DNM3: variants seen among roughly 807,000 people sequenced by gnomAD.
DNM3 encodes dynamin-3.
Under a neutral mutation model 101.6 loss-of-function variants are expected in DNM3, and 47 were observed. That is an observed-to-expected ratio of 0.46 (90% CI 0.37 to 0.59). The LOEUF is 0.59. Ranked by LOEUF, DNM3 falls within the 20% of genes least tolerant of loss-of-function variation. The pLI is 0.00. For missense variants in DNM3, 849 were observed against 1,085.7 expected (o/e 0.78, Z 3.06); for synonymous variants, 385 against 387.9 (o/e 0.99, Z 0.09).
chr1:172,132,505 G>A (rs77044703), intron 14 of DNM3, among the ~76,000 whole-genome samples: 1 of 152,248 alleles, frequency 6.6e-6, no homozygotes, highest in South Asian at 2.1e-4. Context: ...CATTCTGTGG[G>A]AAGCTCTAGT....
chr1:172,161,937 G>A (rs773786414), intron 14 of DNM3, among the ~76,000 whole-genome samples: 43 of 152,022 alleles, frequency 2.8e-4, no homozygotes, highest in Non-Finnish European at 3.8e-4. Context: ...AGATTTATCC[G>A]TTGGGGTTGG....
intron 14 of DNM3, among the ~76,000 whole-genome samples, chr1:172,197,608 T>C (rs1320276085): frequency 1.3e-5 from 2 of 152,114 alleles, no homozygotes; most frequent in Middle Eastern, 3.2e-3. Flanking sequence ...GTAAACCTCA[T>C]TATAGATATC....
At chr1:172,405,162 G>A (rs1403038481) in intron 20 of DNM3, among the ~76,000 whole-genome samples, 1 of 152,028 alleles carries the variant, frequency 6.6e-6, no homozygotes, top group Non-Finnish European at 1.5e-5. Context: ...TAAATATCTT[G>A]TTTAGGCACT....
At chr1:172,204,606 C>G (rs2060265649) in intron 14 of DNM3, among the ~76,000 whole-genome samples, 1 of 152,118 alleles carries the variant, frequency 6.6e-6, no homozygotes, top group Non-Finnish European at 1.5e-5. Flanking sequence ...CTAATGGCCT[C>G]AGCAGCCACA....
chr1:171,966,579 C>T (rs2043603758), intron 2 of DNM3, among the ~76,000 whole-genome samples: 1 of 152,124 alleles, frequency 6.6e-6, no homozygotes, highest in Non-Finnish European at 1.5e-5. Flanking sequence ...GGGTATTCTC[C>T]CTTTGAAGTG....
chr1:172,340,395 G>A (rs2066632377), intron 17 of DNM3, among the ~76,000 whole-genome samples: 1 of 152,128 alleles, frequency 6.6e-6, no homozygotes, highest in African/African-American at 2.4e-5. Flanking sequence ...GCACTACTTG[G>A]TCCGCATAGC....
chr1:172,222,978 G>A (rs981109054), intron 14 of DNM3, among the ~76,000 whole-genome samples: 4 of 151,930 alleles, frequency 2.6e-5, no homozygotes, highest in African/African-American at 9.7e-5. Context: ...TATATACTAT[G>A]GGGTGTAATG....
At chr1:172,312,873 A>C (rs934924455) in intron 16 of DNM3, among the ~76,000 whole-genome samples, 6 of 152,170 alleles carry the variant, frequency 3.9e-5, no homozygotes, top group African/African-American at 1.4e-4. Flanking sequence ...TGGATTTTCT[A>C]ATTACTTTTA....
chr1:172,410,537 T>C lies in DNM3; in HGVS notation c.*2696T>C. ...CACATGCTAAATATTGCATGCATATTGACTAATTGGAATAACCATTTACTC... is the reference window on the plus strand; with the variant it reads ...CACATGCTAAATATTGCATGCATATCGACTAATTGGAATAACCATTTACTC... On this transcript the variant is annotated 3_prime_UTR_variant, in exon 21 of 21. Coordinates refer to ENST00000627582, the MANE Select transcript of DNM3 (RefSeq NM_015569.5). The C allele has an allele frequency of 1.0e-6, 1 of 983,842 alleles. No homozygotes were observed. The highest frequency in any genetic ancestry group is 1.2e-6 in the Non-Finnish European group (1 of 828,454). The allele number at this position is 983,842 out of a possible 1,614,324, so 60.9% of individuals were successfully genotyped here.
intron 4 of DNM3, among the ~76,000 whole-genome samples, chr1:172,032,021 A>G (rs1285863166): frequency 6.6e-6 from 1 of 152,124 alleles, no homozygotes; most frequent in Non-Finnish European, 1.5e-5. Context: ...TTATTTGTTT[A>G]TTTGCTTTTA....
At chr1:172,320,921 C>T (rs1480947036) in intron 16 of DNM3, among the ~76,000 whole-genome samples, 1 of 152,128 alleles carries the variant, frequency 6.6e-6, no homozygotes, top group African/African-American at 2.4e-5. Flanking sequence ...AAGTCTGACA[C>T]CTCAGAGTTT....
intron 1 of DNM3, among the ~76,000 whole-genome samples, chr1:171,912,132 C>T (rs2039359060): frequency 6.6e-6 from 1 of 152,134 alleles, no homozygotes; most frequent in Non-Finnish European, 1.5e-5. Flanking sequence ...GCTAACAGAA[C>T]TGAATGTTTA....
intron 15 of DNM3, among the ~76,000 whole-genome samples, chr1:172,276,916 C>T (rs1034897485): frequency 2.0e-5 from 3 of 151,922 alleles, no homozygotes; most frequent in African/African-American, 7.3e-5. Flanking sequence ...CATATTTAAG[C>T]TTTCAAATAG....
At chr1:171,874,340 G>T (rs762848318) in intron 1 of DNM3, among the ~76,000 whole-genome samples, 2 of 152,026 alleles carry the variant, frequency 1.3e-5, no homozygotes, top group African/African-American at 2.4e-5. Flanking sequence ...TTATTTCAAA[G>T]AATTGGGGAA....
chr1:172,105,098 G>A (rs560205098), intron 13 of DNM3, among the ~76,000 whole-genome samples: 1 of 152,140 alleles, frequency 6.6e-6, no homozygotes, highest in Admixed American at 6.5e-5. Context: ...TTATTCCAAA[G>A]GGGCTAATGT....
intron 10 of DNM3, among the ~76,000 whole-genome samples, chr1:172,066,091 TA>T (rs1461610275): frequency 2.0e-5 from 3 of 152,124 alleles, no homozygotes; most frequent in African/African-American, 7.2e-5. Context: ...TCTAACTCCT[TA>T]TGAGTTTGGA....
intron 14 of DNM3, among the ~76,000 whole-genome samples, chr1:172,174,156 C>A (rs2059069502): frequency 6.6e-6 from 1 of 151,536 alleles, no homozygotes; most frequent in Non-Finnish European, 1.5e-5. Flanking sequence ...ATACACTCTG[C>A]AAAATGAAGA....
intron 13 of DNM3, among the ~76,000 whole-genome samples, 199 bp downstream of exon 13, chr1:172,093,074 A>G (rs1037044692): frequency 2.6e-5 from 4 of 152,106 alleles, no homozygotes; most frequent in Non-Finnish European, 4.4e-5. Flanking sequence ...AGTTAACCAT[A>G]TTGATTTATT....
chr1:171,878,208 A>G (rs1280919958), intron 1 of DNM3, among the ~76,000 whole-genome samples: 1 of 152,186 alleles, frequency 6.6e-6, no homozygotes, highest in Non-Finnish European at 1.5e-5. Context: ...AGAAGCTTTA[A>G]TGAAATTATT....
Sources: gnomAD v4.1 joint callset for allele counts (sites outside exome capture counted in the v4.1 genomes callset) on GRCh38, gnomAD v4.1.1 for gene constraint, MANE v1.5 for transcripts, NCBI Gene and HGNC (gene_info 2026-07-23, HGNC 2026-07-21) for gene names.